Variants in PRELID2 observed in about 807,000 individuals in gnomAD.
The protein encoded by PRELID2 is PRELI domain containing 2.
Under a neutral mutation model 28.4 loss-of-function variants are expected in PRELID2, and 25 were observed. The observed-to-expected ratio is 0.88, with a 90% CI of 0.64 to 1.23. The LOEUF (loss-of-function observed/expected upper bound fraction) is 1.23. Among genes scored for constraint, PRELID2 ranks in the 50% most tolerant of loss-of-function variants. PRELID2 has a pLI of 0.00. For missense variants in PRELID2, 201 were observed against 214.4 expected, an observed-to-expected ratio of 0.94 and a Z score of 0.39; for synonymous variants, 76 against 71.6, an observed-to-expected ratio of 1.06 and a Z score of -0.31.
the PRELID2 span, among the ~76,000 whole-genome samples, chr5:145,392,790 G>C: frequency 6.6e-6 from 1 of 152,138 alleles, no homozygotes; most frequent in Non-Finnish European, 1.5e-5. Flanking sequence ...ACAGTATCCA[G>C]AAAACATGAA....
At chr5:145,405,849 G>T in the PRELID2 span, among the ~76,000 whole-genome samples, 25 of 151,966 alleles carry the variant, frequency 1.6e-4, no homozygotes, top group Admixed American at 1.5e-3. Flanking sequence ...GGGACTACAG[G>T]CACCTGCCAC....
At chr5:145,279,380 A>C in the PRELID2 span, among the ~76,000 whole-genome samples, 1 of 152,148 alleles carries the variant, frequency 6.6e-6, no homozygotes, top group African/African-American at 2.4e-5. Context: ...AGTTCTTATG[A>C]ACAAGCCCTT....
At chr5:145,258,769 GA>G in the PRELID2 span, among the ~76,000 whole-genome samples, 1 of 152,198 alleles carries the variant, frequency 6.6e-6, no homozygotes, top group Admixed American at 6.5e-5. Context: ...ATTTTCAGGG[GA>G]GGAATTCAAG....
chr5:145,710,402 G>A (rs1194037590), intron 1 of PRELID2, among the ~76,000 whole-genome samples: 1 of 152,034 alleles, frequency 6.6e-6, no homozygotes, highest in Admixed American at 6.6e-5. Context: ...ACCTTTCTGG[G>A]CCTCAATTTT....
At chr5:145,790,350 G>A (rs1752283057) in intron 5 of PRELID2, among the ~76,000 whole-genome samples, 1 of 152,096 alleles carries the variant, frequency 6.6e-6, no homozygotes, top group Non-Finnish European at 1.5e-5. Context: ...GTGACAACAT[G>A]GATAAACCTG....
the PRELID2 span, among the ~76,000 whole-genome samples, chr5:145,379,186 C>T: frequency 6.6e-6 from 1 of 152,122 alleles, no homozygotes; most frequent in African/African-American, 2.4e-5. Flanking sequence ...TGATAGGAAT[C>T]CACTTCACTG....
intron 1 of PRELID2, among the ~76,000 whole-genome samples, chr5:145,610,629 GACAGAAATTAGTACCTAGATGT>G (rs1474465083): frequency 6.6e-6 from 1 of 152,154 alleles, no homozygotes; most frequent in African/African-American, 2.4e-5. Flanking sequence ...ATCTGGCTGA[GACAGAAATTAGTACCTAGATGT>G]AAAGTGCTGC....
the PRELID2 span, among the ~76,000 whole-genome samples, chr5:145,392,749 G>T: frequency 1.3e-5 from 2 of 150,360 alleles, no homozygotes; most frequent in Non-Finnish European, 3.0e-5. Context: ...AAGGAAGGAA[G>T]GAGTCTACAT....
intron 1 of PRELID2, among the ~76,000 whole-genome samples, chr5:145,486,049 A>T (rs1195084270): frequency 6.6e-6 from 1 of 152,216 alleles, no homozygotes; most frequent in Non-Finnish European, 1.5e-5. Flanking sequence ...AGGAGGACCT[A>T]TGTTTTTCTG....
intron 1 of PRELID2, among the ~76,000 whole-genome samples, chr5:145,633,293 TTA>T (rs1419233357): frequency 1.3e-5 from 2 of 152,146 alleles, no homozygotes; most frequent in African/African-American, 4.8e-5. Context: ...AGCAAATTTT[TTA>T]AAAACCTAAT....
intron 1 of PRELID2, among the ~76,000 whole-genome samples, chr5:145,678,742 C>T (rs577360455): frequency 1.1e-4 from 17 of 152,070 alleles, no homozygotes; most frequent in Non-Finnish European, 2.2e-4. Context: ...TTACACCGAG[C>T]CTTAATGTCC....
At chr5:145,324,585 T>G in the PRELID2 span, among the ~76,000 whole-genome samples, 1 of 152,216 alleles carries the variant, frequency 6.6e-6, no homozygotes, top group African/African-American at 2.4e-5. Flanking sequence ...CAAATAAGTC[T>G]TGTACTATGT....
At chr5:145,707,607 T>C (rs779519110) in intron 1 of PRELID2, among the ~76,000 whole-genome samples, 2 of 152,106 alleles carry the variant, frequency 1.3e-5, no homozygotes, top group Non-Finnish European at 2.9e-5. Flanking sequence ...CTGATTCAAC[T>C]GGAAATAGAA....
At chr5:145,766,124 G>C (rs1177406867) in intron 5 of PRELID2, among the ~76,000 whole-genome samples, 2 of 152,016 alleles carry the variant, frequency 1.3e-5, no homozygotes, top group Admixed American at 1.3e-4. Context: ...CCTTCAAGTG[G>C]GAAGACAGGG....
chr5:145,647,091 G>A (rs941700117), intron 1 of PRELID2, among the ~76,000 whole-genome samples: 2 of 152,120 alleles, frequency 1.3e-5, no homozygotes, highest in Non-Finnish European at 2.9e-5. Context: ...AGGCTGGGAC[G>A]TTTGGGTCTG....
At chr5:145,444,925 G>T in the PRELID2 span, among the ~76,000 whole-genome samples, 1 of 151,844 alleles carries the variant, frequency 6.6e-6, no homozygotes, top group Admixed American at 6.6e-5. Flanking sequence ...TAATATAAAA[G>T]AATTAATATT....
chr5:145,622,161 G>A (rs1753782461), intron 1 of PRELID2, among the ~76,000 whole-genome samples: 2 of 152,082 alleles, frequency 1.3e-5, no homozygotes, highest in South Asian at 2.1e-4. Context: ...ATTGTCTAGG[G>A]CTGGGAGTTG....
chr5:145,539,559 C>T (rs889606298), intron 1 of PRELID2, among the ~76,000 whole-genome samples: 6 of 151,918 alleles, frequency 3.9e-5, no homozygotes, highest in Non-Finnish European at 8.8e-5. Flanking sequence ...TTCTCCTCCT[C>T]CTCTTTTTGT....
chr5:145,659,784 C>A (rs201738617), intron 1 of PRELID2, among the ~76,000 whole-genome samples: 2 of 152,174 alleles, frequency 1.3e-5, no homozygotes, highest in African/African-American at 2.4e-5. Flanking sequence ...AGGAAAAATA[C>A]ATTTTTACTG....
Sources: allele counts gnomAD v4.1 joint callset (sites outside exome capture counted in the v4.1 genomes callset), GRCh38; gene constraint gnomAD v4.1.1; transcripts MANE v1.5; gene names NCBI Gene and HGNC (gene_info 2026-07-23, HGNC 2026-07-21).